The following TLK2 variants were observed in gnomAD, a reference collection of about 807,000 sequenced individuals.
The protein encoded by TLK2 is serine/threonine-protein kinase tousled-like 2.
TLK2 carries 6 observed loss-of-function variants against 117.3 expected under a neutral mutation model. The observed-to-expected ratio is 0.05, with a 90% CI of 0.03 to 0.10. TLK2 has a LOEUF of 0.10. Among genes scored for constraint, TLK2 ranks in the 10% least tolerant of loss-of-function variants. TLK2 has a pLI of 1.00. For missense variants in TLK2, 299 were observed against 901.2 expected (o/e 0.33, Z 8.56); for synonymous variants, 257 against 316.7 (o/e 0.81, Z 2.00).
intron 19 of TLK2, among the ~76,000 whole-genome samples, chr17:62,603,605 T>G (rs2083035432): frequency 1.3e-5 from 2 of 152,300 alleles, no homozygotes; most frequent in Admixed American, 1.3e-4. Flanking sequence ...ATTCAGTGAT[T>G]AGAATTTAAG....
At chr17:62,591,385 A>T (rs2082071397) in intron 16 of TLK2, among the ~76,000 whole-genome samples, 1 of 151,516 alleles carries the variant, frequency 6.6e-6, no homozygotes, top group South Asian at 2.1e-4. Context: ...GCGTGGAGCT[A>T]CTTTGGAATT....
In TLK2 at chr17:62,484,294, G is replaced by T. The variant is rs528787011; in HGVS notation, c.81+3088G>T. ...GCCGGGAAAAGAAAATCTCCATTTC[G>T]TATGACTTCTTTTTTTTTTGAGACA... On this transcript the variant is annotated intron_variant, in intron 2 of 21. Transcript: ENST00000346027. 1.2e-4 allele frequency among the ~76,000 whole-genome samples: 18 copies of T among 151,574 alleles called. No individual in the cohort carries two copies. In the Admixed American group the frequency reaches 1.2e-3, roughly 10 times the overall value.
At chr17:62,540,116 T>TTA in intron 7 of TLK2, among the ~76,000 whole-genome samples, 1 of 148,302 alleles carries the variant, frequency 6.7e-6, no homozygotes, top group Non-Finnish European at 1.5e-5. Flanking sequence ...TTTTTTTTTT[T>TTA]TAATAGAGAC....
chr17:62,577,300 A>G (rs1016494198), intron 13 of TLK2, among the ~76,000 whole-genome samples: 1 of 151,992 alleles, frequency 6.6e-6, no homozygotes. Flanking sequence ...CAGCAACCCA[A>G]TGACAGTGTT....
chr17:62,510,783 A>G (rs1726303753), intron 2 of TLK2, among the ~76,000 whole-genome samples: 2 of 152,188 alleles, frequency 1.3e-5, no homozygotes, highest in South Asian at 4.1e-4. Context: ...ACACTAAAGT[A>G]CTGGAGATTA....
At chr17:62,580,292 A>G (rs765150966) in intron 15 of TLK2, 100 bp downstream of exon 15, 6 of 803,600 alleles carry the variant, frequency 7.5e-6, no homozygotes, top group Non-Finnish European at 1.1e-5. Flanking sequence ...GTTGATATCC[A>G]TTGGTTGAAA....
rs1049929659 is a variant in TLK2, at chr17:62,554,195, G to A, written c.720+440G>A. Among the ~76,000 whole-genome samples, 4 of 152,066 alleles carry A rather than the reference G, an allele frequency of 2.6e-5. No individual in the cohort carries two copies. The East Asian group carries it at 5.8e-4, about 22-fold the overall frequency. Reference sequence around the variant, plus strand: ...TGCTTACAAAAGAAACCTTTAAAATGCTTCATCTGGAATTAAATAGATACC... The same window carrying A: ...TGCTTACAAAAGAAACCTTTAAAATACTTCATCTGGAATTAAATAGATACC... On this transcript the variant is annotated intron_variant, in intron 9 of 21. Coordinates refer to ENST00000346027, the MANE Select transcript of TLK2 (RefSeq NM_006852.6).
chr17:62,476,721 A>C (rs2144206227), upstream of TLK2, among the ~76,000 whole-genome samples: 1 of 152,232 alleles, frequency 6.6e-6, no homozygotes, highest in East Asian at 1.9e-4. Flanking sequence ...GCTGCAAGAC[A>C]CCTCTGACTC....
chr17:62,548,248 G>GTGTA (rs906818451), intron 7 of TLK2, among the ~76,000 whole-genome samples: 1 of 146,104 alleles, frequency 6.8e-6, no homozygotes, highest in Non-Finnish European at 1.5e-5. Flanking sequence ...ATATGTGTGT[G>GTGTA]TGTGTGTGTG....
intron 15 of TLK2, among the ~76,000 whole-genome samples, chr17:62,580,655 C>G (rs1480783487): frequency 7.9e-5 from 12 of 151,970 alleles, no homozygotes; most frequent in Admixed American, 7.9e-4. Flanking sequence ...AAAGAGTGTC[C>G]TGGCTTAGAG....
intron 11 of TLK2, among the ~76,000 whole-genome samples, chr17:62,572,502 A>G (rs2080391805): frequency 6.6e-6 from 1 of 152,206 alleles, no homozygotes; most frequent in South Asian, 2.1e-4. Flanking sequence ...TTATTAGGAA[A>G]TACTCTAATG....
intron 1 of TLK2, among the ~76,000 whole-genome samples, chr17:62,480,133 T>TA (rs770375522): frequency 6.6e-6 from 1 of 152,280 alleles, no homozygotes; most frequent in Non-Finnish European, 1.5e-5. Flanking sequence ...AGGGGGTTGT[T>TA]ACTGGAGATT....
At position 62,600,647 on chromosome 17, in the gene TLK2, T is replaced by G; in HGVS notation, c.1551-4T>G. ...TGGTTAAATATTGGTTTATTTGTCT[T>G]TAGGTTTTGTACAGTATTAGAATAC... is the stretch of plus-strand genomic sequence containing the variant. On this transcript the variant is annotated splice_region_variant and splice_polypyrimidine_tract_variant and intron_variant, in intron 17 of 21. Coordinates refer to ENST00000346027, the MANE Select transcript of TLK2 (RefSeq NM_006852.6). The G allele has an allele frequency of 6.3e-7, 1 of 1,590,264 alleles. No homozygotes were observed. The highest frequency in any genetic ancestry group is 8.5e-7 in the Non-Finnish European group (1 of 1,171,896).
chr17:62,571,910 G>C lies in TLK2; in HGVS notation c.969-1305G>C, dbSNP rs538276790. The stretch of plus-strand genomic sequence containing the variant: ...TTGCCGGGCACGGTGGCTCATGCCT[G>C]TAATCCCAGCACTTTGGGAGGCTGA... On this transcript the variant is annotated intron_variant, in intron 11 of 21. Transcript: ENST00000346027. Among the ~76,000 whole-genome samples the C allele has an allele frequency of 5.9e-5, 9 of 152,268 alleles. No individual in the cohort carries two copies. In the South Asian group the frequency reaches 1.9e-3, roughly 32 times the overall value.
At chr17:62,541,268 C>A (rs2077513957) in intron 7 of TLK2, among the ~76,000 whole-genome samples, 1 of 152,172 alleles carries the variant, frequency 6.6e-6, no homozygotes, top group Non-Finnish European at 1.5e-5. Context: ...TGACTTCCCC[C>A]CACTGGAATG....
rs766402910 is a variant in TLK2 at position 62,560,144 on chromosome 17, G to T, written c.831+18G>T. 5.8e-6 allele frequency: 9 copies of T among 1,559,152 alleles called. No homozygotes were observed. The East Asian group carries it at 1.8e-4, about 32-fold the overall frequency. ...TAGAAAAGGTTAGTGAATAATGTTG[G>T]TCTAAACTCTGTATCCCAAGATACT... is the stretch of plus-strand genomic sequence containing the variant. On this transcript the variant is annotated intron_variant, in intron 10 of 21. Transcript: ENST00000346027.
At chr17:62,593,811 G>A (rs1157959481) in intron 16 of TLK2, among the ~76,000 whole-genome samples, 2 of 48,232 alleles carry the variant, frequency 4.1e-5, no homozygotes, top group Non-Finnish European at 7.9e-5. Context: ...TTTTTTTTTT[G>A]AGATGGAGTC....
chr17:62,517,302 C>T (rs569159952), intron 2 of TLK2, among the ~76,000 whole-genome samples: 4 of 152,332 alleles, frequency 2.6e-5, no homozygotes, highest in Admixed American at 6.5e-5. Flanking sequence ...TTCCTTCTGG[C>T]GGTCCATTCT....
chr17:62,555,787 A>T (rs1205270506), intron 9 of TLK2, among the ~76,000 whole-genome samples: 12 of 146,566 alleles, frequency 8.2e-5, no homozygotes, highest in Non-Finnish European at 3.0e-5. Context: ...ATTATTATTA[A>T]TTTTATATAT....
Sources: allele counts gnomAD v4.1 joint callset (sites outside exome capture counted in the v4.1 genomes callset), GRCh38; gene constraint gnomAD v4.1.1; transcripts MANE v1.5; gene names NCBI Gene and HGNC (gene_info 2026-07-23, HGNC 2026-07-21).